NETO1: variants seen among roughly 807,000 people sequenced by gnomAD.
The protein encoded by NETO1 is neuropilin and tolloid-like protein 1.
In NETO1, 26 loss-of-function variants were observed where a neutral mutation model predicts 61.3. The ratio of observed to expected loss-of-function variants is 0.42; its 90% confidence interval spans 0.31 to 0.59. The LOEUF is 0.59. Among genes scored for constraint, NETO1 ranks in the 20% least tolerant of loss-of-function variants. The pLI is 0.12. For synonymous variants in NETO1, 225 were observed against 225.8 expected, an observed-to-expected ratio of 1.00 and a Z score of 0.03; for missense variants, 531 against 662.8, an observed-to-expected ratio of 0.80 and a Z score of 2.18.
chr18:72,748,920 T>C (rs2070496511), intron 10 of NETO1, 94 bp downstream of exon 10: 1 of 795,650 alleles, frequency 1.3e-6, no homozygotes, highest in Non-Finnish European at 2.2e-6. Context: ...CAAGAAATAA[T>C]GGATAAATAG....
Position 72,842,780 on chromosome 18 carries a change from T to C in NETO1, c.469+16046A>G, listed in dbSNP as rs554492174. On this transcript the variant is annotated intron_variant, in intron 4 of 10. Coordinates refer to ENST00000327305, the MANE Select transcript of NETO1 (RefSeq NM_138966.5). The stretch of plus-strand genomic sequence containing the variant: ...ACATTTTAAGTCTTTTAATCCCAAA[T>C]AAGGATGGCAATAATACGTCATAGG... Among the ~76,000 whole-genome samples, 4 of 152,236 alleles carry C rather than the reference T, an allele frequency of 2.6e-5. No individual in the cohort carries two copies. The South Asian group carries it at 8.3e-4, about 32-fold the overall frequency.
At chr18:72,777,143 C>T (rs758944966) in intron 7 of NETO1, among the ~76,000 whole-genome samples, 1 of 152,216 alleles carries the variant, frequency 6.6e-6, no homozygotes, top group Admixed American at 6.5e-5. Context: ...CTTGGCCAGG[C>T]ACAGTGGCTC....
At chr18:72,752,422 G>A (rs1379298399) in intron 8 of NETO1, among the ~76,000 whole-genome samples, 2 of 152,148 alleles carry the variant, frequency 1.3e-5, no homozygotes, top group Non-Finnish European at 2.9e-5. Context: ...TGTTGCCCAA[G>A]GCTGATGGTG....
At chr18:72,765,354 C>G (rs889417718) in intron 7 of NETO1, among the ~76,000 whole-genome samples, 1 of 152,118 alleles carries the variant, frequency 6.6e-6, no homozygotes, top group Non-Finnish European at 1.5e-5. Flanking sequence ...GTCTGGCAAC[C>G]AGATGTACCA....
intron 4 of NETO1, among the ~76,000 whole-genome samples, chr18:72,848,218 C>T (rs192810311): frequency 1.8e-4 from 28 of 152,282 alleles, no homozygotes; most frequent in Admixed American, 1.7e-3. Context: ...ACTCAAAATG[C>T]AGACACCATT....
intron 7 of NETO1, among the ~76,000 whole-genome samples, chr18:72,760,758 A>G (rs1300774983): frequency 1.5e-5 from 2 of 137,348 alleles, no homozygotes; most frequent in Admixed American, 7.2e-5. Flanking sequence ...ATTACAAGAC[A>G]GAATTGTAAA....
intron 4 of NETO1, among the ~76,000 whole-genome samples, chr18:72,829,054 G>A (rs2073486414): frequency 6.6e-6 from 1 of 151,810 alleles, no homozygotes; most frequent in African/African-American, 2.4e-5. Context: ...AAATGAAATG[G>A]GAAAAAGGAA....
intron 7 of NETO1, among the ~76,000 whole-genome samples, chr18:72,773,538 GT>G (rs989982310): frequency 7.9e-5 from 12 of 152,108 alleles, no homozygotes; most frequent in African/African-American, 2.9e-4. Context: ...TAATCCCCAG[GT>G]GTCAAGCGCA....
intron 6 of NETO1, among the ~76,000 whole-genome samples, chr18:72,784,429 T>C (rs530273460): frequency 1.3e-5 from 2 of 152,310 alleles, no homozygotes; most frequent in East Asian, 3.9e-4. Flanking sequence ...CGAAGTATAA[T>C]TTTTTATAAA....
At chr18:72,773,484 T>C (rs1300688314) in intron 7 of NETO1, among the ~76,000 whole-genome samples, 3 of 152,128 alleles carry the variant, frequency 2.0e-5, no homozygotes, top group Non-Finnish European at 4.4e-5. Context: ...GTTGTGATAT[T>C]GTATGGCTCT....
At chr18:72,803,460 A>C (rs1441655073) in intron 4 of NETO1, among the ~76,000 whole-genome samples, 1 of 152,218 alleles carries the variant, frequency 6.6e-6, no homozygotes, top group African/African-American at 2.4e-5. Flanking sequence ...CTAACCTTTA[A>C]GAAGCTATCA....
chr18:72,787,834 T>C (rs1250738876), intron 6 of NETO1, among the ~76,000 whole-genome samples: 4 of 152,160 alleles, frequency 2.6e-5, no homozygotes, highest in East Asian at 1.9e-4. Flanking sequence ...CACAGAGTTA[T>C]AGCCCAGAAA....
Position 72,822,385 on chromosome 18 carries a change from A to G in NETO1, c.470-27981T>C, listed in dbSNP as rs182626464. On this transcript the variant is annotated intron_variant, in intron 4 of 10. Transcript: ENST00000327305. Reference sequence around the variant, plus strand: ...AGCGGGCACTGGGCGGCACCATGCCACAGGTCAGACAAGAACAGATAACAA... The same window carrying G: ...AGCGGGCACTGGGCGGCACCATGCCGCAGGTCAGACAAGAACAGATAACAA... Among the ~76,000 whole-genome samples, 225 of 152,282 alleles carry G rather than the reference A, an allele frequency of 1.5e-3. 2 individuals are homozygous for G. Among genetic ancestry groups the G allele is most frequent in the Admixed American group, 0.015 (223 of 15,296 alleles).
Position 72,748,009 on chromosome 18 carries a change from G to T in NETO1, c.*170C>A. On this transcript the variant is annotated 3_prime_UTR_variant, in exon 11 of 11. Coordinates refer to ENST00000327305, the MANE Select transcript of NETO1 (RefSeq NM_138966.5). ...CAAATTACGAAATGAACATATCAGT[G>T]TGCAGCGGGGATGTCTTGCCGAAGG... 2.6e-6 allele frequency: 1 copy of T among 382,578 alleles called. No homozygotes were observed. The highest frequency in any genetic ancestry group is 3.6e-6 in the Non-Finnish European group (1 of 278,862). 23.7% of individuals were successfully genotyped at this position (382,578 alleles called of 1,614,324 possible).
chr18:72,859,571 C>A (rs2074506989), intron 3 of NETO1, among the ~76,000 whole-genome samples: 1 of 152,184 alleles, frequency 6.6e-6, no homozygotes, highest in Non-Finnish European at 1.5e-5. Flanking sequence ...TTTTCTACAA[C>A]ACAAACCTGA....
At chr18:72,813,849 A>T (rs1390765012) in intron 4 of NETO1, among the ~76,000 whole-genome samples, 1 of 152,084 alleles carries the variant, frequency 6.6e-6, no homozygotes, top group African/African-American at 2.4e-5. Context: ...AAGGGCATGA[A>T]ATATTTAAAG....
At chr18:72,765,015 G>T (rs1311691300) in intron 7 of NETO1, among the ~76,000 whole-genome samples, 1 of 152,102 alleles carries the variant, frequency 6.6e-6, no homozygotes, top group East Asian at 1.9e-4. Flanking sequence ...GAAACCATGG[G>T]GACCTTGGCC....
rs1391807702 is a variant in NETO1 at position 72,772,793 on chromosome 18, T to TCTCTCTCTCTCTCTCTC, written c.868+10884_868+10885insGAGAGAGAGAGAGAGAG. 3.6e-4 allele frequency among the ~76,000 whole-genome samples: 21 copies of TCTCTCTCTCTCTCTCTC among 58,962 alleles called. 2 individuals are homozygous for TCTCTCTCTCTCTCTCTC. Among genetic ancestry groups the TCTCTCTCTCTCTCTCTC allele is most frequent in the South Asian group, 1.9e-3 (2 of 1,046 alleles). 38.7% of individuals were successfully genotyped at this position (58,962 alleles called of 152,430 possible). A position where few individuals can be genotyped will look rare whatever the true frequency, so the allele number is the denominator to read the frequency against. The stretch of plus-strand genomic sequence containing the variant: ...TATATATATACAGATCTCTATATAG[T>TCTCTCTCTCTCTCTCTC]TCTCTCTCTCTCTCTCTCTCTCTCT... On this transcript the variant is annotated intron_variant, in intron 7 of 10. Transcript: ENST00000327305.
At chr18:72,762,695 T>A (rs2071018379) in intron 7 of NETO1, among the ~76,000 whole-genome samples, 1 of 152,240 alleles carries the variant, frequency 6.6e-6, no homozygotes, top group African/African-American at 2.4e-5. Context: ...TTTTAAACCC[T>A]CATCTATTCC....
Sources: gnomAD v4.1 joint callset for allele counts (sites outside exome capture counted in the v4.1 genomes callset) on GRCh38, gnomAD v4.1.1 for gene constraint, MANE v1.5 for transcripts, NCBI Gene and HGNC (gene_info 2026-07-23, HGNC 2026-07-21) for gene names.